Variants in LDLRAD4 observed in about 807,000 individuals in gnomAD.
The protein encoded by LDLRAD4 is low-density lipoprotein receptor class A domain-containing protein 4.
Under a neutral mutation model 17.0 loss-of-function variants are expected in LDLRAD4, and 5 were observed. The observed-to-expected ratio is 0.29, with a 90% confidence interval of 0.15 to 0.62. The LOEUF is 0.62. LDLRAD4 is among the 20% of genes least tolerant of loss of function. LDLRAD4 has a pLI of 0.84. For synonymous variants in LDLRAD4, 168 were observed against 171.8 expected, an observed-to-expected ratio of 0.98 and a Z score of 0.17; for missense variants, 340 against 424.7, an observed-to-expected ratio of 0.80 and a Z score of 1.75.
At chr18:13,525,132 G>C (rs1048336198) in intron 3 of LDLRAD4, among the ~76,000 whole-genome samples, 1 of 152,236 alleles carries the variant, frequency 6.6e-6, no homozygotes, top group African/African-American at 2.4e-5. Flanking sequence ...ACGGTGCTTT[G>C]TGATGAAGTG....
chr18:13,645,014 T>A lies in LDLRAD4; in HGVS notation c.391-113T>A. The stretch of plus-strand genomic sequence containing the variant: ...TTTTCTTTTTTTTTTTCCTGGGAGA[T>A]GGTGTTCAAACTGGTAGGAACACAC... On this transcript the variant is annotated intron_variant, in intron 5 of 5. Coordinates refer to ENST00000359446, the Ensembl canonical transcript of LDLRAD4. The surrounding 1 kb of genome is among the most constrained non-coding windows in gnomAD (Gnocchi z 5.7). 1.2e-6 allele frequency: 1 copy of A among 805,532 alleles called. No homozygotes were observed. Among genetic ancestry groups the A allele is most frequent in the Non-Finnish European group, 2.0e-6 (1 of 509,814 alleles). The allele number at this position is 805,532 out of a possible 1,614,324, so 49.9% of individuals were successfully genotyped here.
chr18:13,287,921 CT>C (rs1339154600), intron 1 of LDLRAD4, among the ~76,000 whole-genome samples: 3 of 152,152 alleles, frequency 2.0e-5, no homozygotes, highest in Non-Finnish European at 2.9e-5. Flanking sequence ...CAAAATGTAC[CT>C]GCATAACTAG....
At chr18:13,628,122 G>A (rs750624052) in intron 4 of LDLRAD4, among the ~76,000 whole-genome samples, 5 of 152,214 alleles carry the variant, frequency 3.3e-5, no homozygotes, top group Admixed American at 3.3e-4. Flanking sequence ...CACTGCGGCT[G>A]GAGCGCTGGC....
At chr18:13,649,967 T>C (rs969901615) in exon 6 of LDLRAD4, 3 of 397,808 alleles carry the variant, frequency 7.5e-6, no homozygotes, top group African/African-American at 6.2e-5. Context: ...TTCCCCTTCT[T>C]GGTGCGAGGA....
chr18:13,270,271 G>A (rs1165221235), intron 1 of LDLRAD4, among the ~76,000 whole-genome samples: 1 of 151,922 alleles, frequency 6.6e-6, no homozygotes, highest in African/African-American at 2.4e-5. Flanking sequence ...AGGCTGAGGT[G>A]GGAGGATCAC....
chr18:13,245,614 C>T (rs1481997500), intron 1 of LDLRAD4, among the ~76,000 whole-genome samples: 2 of 152,230 alleles, frequency 1.3e-5, no homozygotes, highest in African/African-American at 4.8e-5. Flanking sequence ...CACTATGGCC[C>T]ATGTATCCCT....
At chr18:13,494,281 T>A (rs991708883) in intron 3 of LDLRAD4, among the ~76,000 whole-genome samples, 2 of 152,016 alleles carry the variant, frequency 1.3e-5, no homozygotes, top group African/African-American at 4.8e-5. Context: ...CAACTTCTGC[T>A]TCAAGGGACA....
chr18:13,262,761 T>C (rs1281569163), intron 1 of LDLRAD4, among the ~76,000 whole-genome samples: 7 of 86,612 alleles, frequency 8.1e-5, no homozygotes, highest in East Asian at 3.8e-4. Context: ...CGTGCGGCCC[T>C]GTGCGTGGGG....
At chr18:13,309,771 G>A (rs2047124953) in intron 1 of LDLRAD4, among the ~76,000 whole-genome samples, 1 of 152,214 alleles carries the variant, frequency 6.6e-6, no homozygotes, top group Non-Finnish European at 1.5e-5. Context: ...AAAGGTGGGA[G>A]AGAGGGCCTT....
chr18:13,352,003 T>C (rs1284603557), intron 1 of LDLRAD4, among the ~76,000 whole-genome samples: 1 of 152,112 alleles, frequency 6.6e-6, no homozygotes, highest in Non-Finnish European at 1.5e-5. Context: ...ACAGAACCAA[T>C]GACAAAAACC....
intron 4 of LDLRAD4, among the ~76,000 whole-genome samples, chr18:13,624,550 G>A (rs1346079128): frequency 6.6e-6 from 1 of 152,234 alleles, no homozygotes; most frequent in Non-Finnish European, 1.5e-5. Context: ...CTGGCTGGCC[G>A]ATTGTGCCTT....
At chr18:13,303,262 C>G (rs2046711221) in intron 1 of LDLRAD4, among the ~76,000 whole-genome samples, 1 of 152,010 alleles carries the variant, frequency 6.6e-6, no homozygotes, top group Admixed American at 6.5e-5. Flanking sequence ...TTTTTTTTCC[C>G]TAGAGGCAGG....
Position 13,498,701 on chromosome 18 carries a change from A to C in LDLRAD4, c.181+60317A>C, listed in dbSNP as rs576048721. Among the ~76,000 whole-genome samples the C allele has an allele frequency of 1.7e-4, 25 of 146,264 alleles. No homozygotes were observed. The South Asian group carries it at 5.5e-3, about 32-fold the overall frequency. On this transcript the variant is annotated intron_variant, in intron 3 of 5. Transcript: ENST00000359446. The stretch of plus-strand genomic sequence containing the variant: ...CACGTCCTGCTGTGGACACTGGAGA[A>C]TCCTTCTTGCCACACGTGTCCCACT...
chr18:13,567,422 G>C (rs907250388), intron 3 of LDLRAD4, among the ~76,000 whole-genome samples: 1 of 152,196 alleles, frequency 6.6e-6, no homozygotes, highest in African/African-American at 2.4e-5. Context: ...TGCTGCCGTA[G>C]GGCCTGCCTG....
chr18:13,419,205 C>G (rs2089221286), intron 2 of LDLRAD4, among the ~76,000 whole-genome samples: 1 of 152,148 alleles, frequency 6.6e-6, no homozygotes, highest in African/African-American at 2.4e-5. Context: ...GGTTTTGGGA[C>G]AAGGACATCT....
chr18:13,262,798 G>T (rs1225419286), intron 1 of LDLRAD4, among the ~76,000 whole-genome samples: 1 of 78,402 alleles, frequency 1.3e-5, no homozygotes, highest in African/African-American at 9.6e-5. Context: ...CTCTGTGCGT[G>T]GAAACTGAGT....
intron 1 of LDLRAD4, among the ~76,000 whole-genome samples, chr18:13,320,595 C>G (rs1458584459): frequency 5.3e-5 from 8 of 152,076 alleles, no homozygotes; most frequent in African/African-American, 1.4e-4. Flanking sequence ...AGAAGGTGGC[C>G]CAAGTTGCTT....
chr18:13,288,383 A>C (rs891232556), intron 1 of LDLRAD4, among the ~76,000 whole-genome samples: 2 of 152,214 alleles, frequency 1.3e-5, no homozygotes, highest in African/African-American at 4.8e-5. Flanking sequence ...TAGTTTAGCT[A>C]TCCATATTAG....
intron 3 of LDLRAD4, among the ~76,000 whole-genome samples, chr18:13,511,771 G>A (rs141790574): frequency 4.7e-4 from 72 of 152,288 alleles, no homozygotes; most frequent in African/African-American, 1.5e-3. Context: ...TCCCTCGGGC[G>A]TGCTGGGCCA....
Sources: gnomAD v4.1 joint callset for allele counts (sites outside exome capture counted in the v4.1 genomes callset) on GRCh38, gnomAD v4.1.1 for gene constraint, Gnocchi (gnomAD v3.1) non-coding constraint, MANE v1.5 for transcripts, NCBI Gene and HGNC (gene_info 2026-07-23, HGNC 2026-07-21) for gene names.